PTPN21: variants seen among roughly 807,000 people sequenced by gnomAD.
The protein encoded by PTPN21 is tyrosine-protein phosphatase non-receptor type 21.
In PTPN21, 77 loss-of-function variants were observed where a neutral mutation model predicts 131.8. That is an observed-to-expected ratio of 0.58 (90% CI 0.49 to 0.71). The LOEUF (loss-of-function observed/expected upper bound fraction) is 0.71, where lower values mean the gene tolerates loss of function less well. Among genes scored for constraint, PTPN21 ranks in the 30% least tolerant of loss-of-function variants. The pLI is 0.00. For missense variants in PTPN21, 1,552 were observed against 1,527.1 expected (o/e 1.02, Z -0.27); for synonymous variants, 715 against 621.3 (o/e 1.15, Z -2.24).
intron 2 of PTPN21, among the ~76,000 whole-genome samples, chr14:88,549,131 A>G (rs909634742): frequency 3.3e-5 from 5 of 152,316 alleles, no homozygotes; most frequent in African/African-American, 4.8e-5. Context: ...ATTTTACTCA[A>G]TGAATGTTGA....
chr14:88,480,476 G>A, intron 12 of PTPN21, 124 bp from the exon 13 acceptor site: 1 of 797,768 alleles, frequency 1.3e-6, no homozygotes, highest in South Asian at 1.8e-5. Context: ...CCGCTAGAAT[G>A]ACCTAGCTTT....
intron 11 of PTPN21, 60 bp downstream of exon 11, chr14:88,485,722 T>C: frequency 7.9e-7 from 1 of 1,271,728 alleles, no homozygotes; most frequent in Non-Finnish European, 1.1e-6. Context: ...TGAAAGCATA[T>C]TTTATTCAGG....
At chr14:88,470,233 G>C in intron 15 of PTPN21, 183 bp from the exon 16 acceptor site, 1 of 612,542 alleles carries the variant, frequency 1.6e-6, no homozygotes, top group Non-Finnish European at 2.8e-6. Flanking sequence ...AATACAATTT[G>C]CATTACTGAC....
Position 88,544,299 on chromosome 14 carries a change from C to T in PTPN21, c.180+5939G>A, listed in dbSNP as rs574827514. Among the ~76,000 whole-genome samples, 7 of 152,018 alleles carry T rather than the reference C, an allele frequency of 4.6e-5. No homozygotes were observed. In the East Asian group the frequency reaches 7.7e-4, roughly 17 times the overall value. On this transcript the variant is annotated intron_variant, in intron 2 of 18. Coordinates refer to ENST00000556564, the MANE Select transcript of PTPN21 (RefSeq NM_007039.4). ...GGCGGAAGTTGCTGTGAGCCGAGAT[C>T]GCGCCATTTGCACTCCAGCCTGGGC... is the stretch of plus-strand genomic sequence containing the variant.
intron 2 of PTPN21, among the ~76,000 whole-genome samples, chr14:88,527,430 G>A (rs1349689037): frequency 1.3e-5 from 2 of 152,082 alleles, no homozygotes; most frequent in African/African-American, 4.8e-5. Context: ...TTTTCCATAC[G>A]TTTCTGGGCC....
chr14:88,487,965 C>CAA lies in PTPN21; in HGVS notation c.933-2125_933-2124dup, dbSNP rs535857551. Among the ~76,000 whole-genome samples, 206 of 92,508 alleles carry CAA rather than the reference C, an allele frequency of 2.2e-3. 3 individuals are homozygous for CAA. Among genetic ancestry groups the CAA allele is most frequent in the African/African-American group, 7.1e-3 (195 of 27,396 alleles). 60.7% of individuals were successfully genotyped at this position (92,508 alleles called of 152,430 possible). A position where few individuals can be genotyped will look rare whatever the true frequency, so the allele number is the denominator to read the frequency against. On this transcript the variant is annotated intron_variant, in intron 10 of 18. Coordinates refer to ENST00000556564, the MANE Select transcript of PTPN21 (RefSeq NM_007039.4). ...TGGGCGACAGAGTGAGACTCCATCTCAAAAAAAAAAAAAAAAAAAATAGTG... is the reference window on the plus strand; with the variant it reads ...TGGGCGACAGAGTGAGACTCCATCTCAAAAAAAAAAAAAAAAAAAAAATAGTG...
intron 1 of PTPN21, 83 bp from the exon 2 acceptor site, chr14:88,550,702 C>A: frequency 3.3e-6 from 1 of 300,872 alleles, no homozygotes; most frequent in Non-Finnish European, 6.2e-6. Context: ...AAGCTGTGGC[C>A]AAAGAACAAG....
At position 88,467,033 on chromosome 14, in the gene PTPN21, T is replaced by A. The variant is rs1411661448; in HGVS notation, c.*1104A>T. ...TCACTGGCGGTCACAGGACTTGAATTCCCTGGGGACAGTGCTGTGGGGTCC... is the reference window on the plus strand; with the variant it reads ...TCACTGGCGGTCACAGGACTTGAATACCCTGGGGACAGTGCTGTGGGGTCC... On this transcript the variant is annotated 3_prime_UTR_variant, in exon 19 of 19. Transcript: ENST00000556564. 1 of 152,190 alleles carries A rather than the reference T, an allele frequency of 6.6e-6. No individual in the cohort carries two copies. Among genetic ancestry groups the A allele is most frequent in the Non-Finnish European group, 1.5e-5 (1 of 68,038 alleles). 9.4% of individuals were successfully genotyped at this position (152,190 alleles called of 1,614,324 possible).
intron 7 of PTPN21, 75 bp downstream of exon 7, chr14:88,501,206 C>T: frequency 7.6e-7 from 1 of 1,323,254 alleles, no homozygotes; most frequent in South Asian, 1.2e-5. Flanking sequence ...ATAAGGACAT[C>T]CTTGGATTTC....
intron 2 of PTPN21, among the ~76,000 whole-genome samples, chr14:88,549,069 A>T (rs917229514): frequency 2.6e-5 from 4 of 152,236 alleles, no homozygotes; most frequent in African/African-American, 9.6e-5. Flanking sequence ...AACTGAGTTC[A>T]GGCAGTATGT....
At position 88,467,737 on chromosome 14, in the gene PTPN21, TCATAA is replaced by T; in HGVS notation, c.*395_*399del. On this transcript the variant is annotated 3_prime_UTR_variant, in exon 19 of 19. Coordinates refer to ENST00000556564, the MANE Select transcript of PTPN21 (RefSeq NM_007039.4). ...CACTAGAAAAATCCCTAAATATTTG[TCATAA>T]AATAAAAACTCCATTATCAAAAATT... 1 of 177,772 alleles carries T rather than the reference TCATAA, an allele frequency of 5.6e-6. No individual in the cohort carries two copies. Among genetic ancestry groups the T allele is most frequent in the East Asian group, 1.8e-4 (1 of 5,458 alleles). The allele number at this position is 177,772 out of a possible 1,614,324, so 11.0% of individuals were successfully genotyped here. A position where few individuals can be genotyped will look rare whatever the true frequency, so the allele number is the denominator to read the frequency against.
At chr14:88,482,856 CA>C (rs2077672675) in intron 12 of PTPN21, among the ~76,000 whole-genome samples, 2 of 151,270 alleles carry the variant, frequency 1.3e-5, no homozygotes, top group South Asian at 4.2e-4. Flanking sequence ...AACAGAGTGG[CA>C]AAGACAGAGG....
chr14:88,516,584 T>G (rs895633601), intron 3 of PTPN21, among the ~76,000 whole-genome samples: 1 of 152,160 alleles, frequency 6.6e-6, no homozygotes, highest in Non-Finnish European at 1.5e-5. Flanking sequence ...TTTCTGCTTT[T>G]GTCCCTATTA....
chr14:88,527,114 CAT>C lies in PTPN21; in HGVS notation c.181-9855_181-9854del, dbSNP rs78952176. On this transcript the variant is annotated intron_variant, in intron 2 of 18. Transcript: ENST00000556564. ...CAATTGTGAATTGTGCTACTATAAA[CAT>C]GTGTGTGCAAATGTCTTTTTCATAC... Among the ~76,000 whole-genome samples the C allele has an allele frequency of 1.1e-3, 171 of 152,304 alleles. 1 individual carries two copies. The highest frequency in any genetic ancestry group is 3.4e-3 in the Middle Eastern group (1 of 294).
chr14:88,544,320 T>A (rs933404672), intron 2 of PTPN21, among the ~76,000 whole-genome samples: 1 of 151,908 alleles, frequency 6.6e-6, no homozygotes, highest in African/African-American at 2.4e-5. Flanking sequence ...CACTCCAGCC[T>A]GGGCAACAGA....
At chr14:88,549,134 A>T (rs1278591609) in intron 2 of PTPN21, among the ~76,000 whole-genome samples, 2 of 152,196 alleles carry the variant, frequency 1.3e-5, no homozygotes. Context: ...TTACTCAATG[A>T]ATGTTGAAAG....
chr14:88,496,131 G>A (rs779950761), intron 10 of PTPN21, among the ~76,000 whole-genome samples: 1 of 152,184 alleles, frequency 6.6e-6, no homozygotes, highest in Non-Finnish European at 1.5e-5. Context: ...AATCTTTAAT[G>A]ACTCAAAATG....
At chr14:88,518,273 T>TATATATATACAC (rs763756368) in intron 2 of PTPN21, among the ~76,000 whole-genome samples, 48 of 68,214 alleles carry the variant, frequency 7.0e-4, no homozygotes, top group African/African-American at 3.5e-3. Context: ...TATATATATA[T>TATATATATACAC]ACACACACAC....
chr14:88,547,708 G>A (rs2078804115), intron 2 of PTPN21: 1 of 454,200 alleles, frequency 2.2e-6, no homozygotes, highest in South Asian at 1.6e-5. Flanking sequence ...TGCTGTTCTG[G>A]TTTTCTTTCT....
Sources: gnomAD v4.1 joint callset for allele counts (sites outside exome capture counted in the v4.1 genomes callset) on GRCh38, gnomAD v4.1.1 for gene constraint, MANE v1.5 for transcripts, NCBI Gene and HGNC (gene_info 2026-07-23, HGNC 2026-07-21) for gene names.